Variants in MTUS2 observed in about 807,000 individuals in gnomAD.
MTUS2 encodes the protein microtubule associated scaffold protein 2, also known as microtubule-associated tumor suppressor candidate 2.
MTUS2 carries 40 observed loss-of-function variants against 114.1 expected under a neutral mutation model. The observed-to-expected ratio is 0.35, with a 90% CI of 0.27 to 0.46. The LOEUF (loss-of-function observed/expected upper bound fraction) is 0.46, where lower values mean the gene tolerates loss of function less well. MTUS2 is among the 20% of genes least tolerant of loss of function. MTUS2 has a pLI of 1.00. For synonymous variants in MTUS2, 688 were observed against 672.0 expected (o/e 1.02, Z -0.37); for missense variants, 1,679 against 1,705.4 (o/e 0.98, Z 0.27).
intron 6 of MTUS2, among the ~76,000 whole-genome samples, chr13:29,306,074 A>G (rs949504484): frequency 5.3e-5 from 8 of 152,252 alleles, no homozygotes; most frequent in African/African-American, 1.9e-4. Context: ...AAGGCCTTTA[A>G]TAAAATTCAA....
intron 12 of MTUS2, among the ~76,000 whole-genome samples, chr13:29,494,426 G>C (rs1247330785): frequency 6.6e-6 from 1 of 152,134 alleles, no homozygotes; most frequent in African/African-American, 2.4e-5. Flanking sequence ...AGAAACATCA[G>C]TTTGGTATTT....
intron 4 of MTUS2, among the ~76,000 whole-genome samples, chr13:29,061,909 G>T (rs1888437920): frequency 1.1e-4 from 1 of 8,792 alleles, no homozygotes; most frequent in African/African-American, 2.5e-4. Context: ...TGTTGTAGCT[G>T]AAAGAAACTA....
intron 2 of MTUS2, among the ~76,000 whole-genome samples, chr13:28,900,190 A>C (rs894217146): frequency 1.3e-5 from 2 of 152,226 alleles, no homozygotes. Context: ...GTGCAGCCCC[A>C]GTTAAACTCT....
In MTUS2 at chr13:29,368,028, T is replaced by C. The variant is rs181704061; in HGVS notation, c.3117+8555T>C. 1.1e-4 allele frequency among the ~76,000 whole-genome samples: 16 copies of C among 149,980 alleles called. No individual in the cohort carries two copies. In the East Asian group the frequency reaches 3.0e-3, roughly 28 times the overall value. ...ATCTCGGCTCTCTGCAAGCTCCACC[T>C]TCCGGGTTCACACCATTCTCCTGCC... On this transcript the variant is annotated intron_variant, in intron 8 of 15. Transcript: ENST00000612955.
intron 2 of MTUS2, among the ~76,000 whole-genome samples, chr13:28,898,205 G>C (rs1392337956): frequency 6.6e-6 from 1 of 152,124 alleles, no homozygotes; most frequent in Non-Finnish European, 1.5e-5. Context: ...TGTAGTCCAT[G>C]ACAGAAGAGC....
chr13:29,047,369 G>A (rs1295759305), intron 4 of MTUS2, among the ~76,000 whole-genome samples: 2 of 152,062 alleles, frequency 1.3e-5, no homozygotes, highest in African/African-American at 2.4e-5. Flanking sequence ...TTAAAGATAG[G>A]ACATTCTGAT....
At chr13:29,247,082 A>G (rs540267405) in intron 5 of MTUS2, among the ~76,000 whole-genome samples, 8 of 152,318 alleles carry the variant, frequency 5.3e-5, no homozygotes, top group African/African-American at 1.7e-4. Context: ...GATCAATTGG[A>G]CAGAATAGAA....
intron 5 of MTUS2, among the ~76,000 whole-genome samples, chr13:29,277,738 A>T (rs578122536): frequency 6.6e-6 from 1 of 152,266 alleles, no homozygotes; most frequent in African/African-American, 2.4e-5. Context: ...GGCAGGAGTG[A>T]TACACGCCAC....
chr13:29,194,525 C>T (rs1894591389), intron 5 of MTUS2, among the ~76,000 whole-genome samples: 3 of 152,168 alleles, frequency 2.0e-5, no homozygotes, highest in Non-Finnish European at 4.4e-5. Context: ...CAGAGAAATG[C>T]AAATCGAAAC....
chr13:29,075,235 A>T (rs1056299791), intron 4 of MTUS2, among the ~76,000 whole-genome samples: 3 of 152,196 alleles, frequency 2.0e-5, no homozygotes, highest in African/African-American at 4.8e-5. Context: ...TTTGTAAAAG[A>T]GACACAACGG....
chr13:29,359,129 C>T, intron 7 of MTUS2, 133 bp from the exon 8 acceptor site: 1 of 861,530 alleles, frequency 1.2e-6, no homozygotes. Context: ...TCTTTTCAAT[C>T]CTTAAAAATG....
chr13:29,235,477 AAT>A (rs1422643191), intron 5 of MTUS2, among the ~76,000 whole-genome samples: 1 of 152,212 alleles, frequency 6.6e-6, no homozygotes, highest in African/African-American at 2.4e-5. Flanking sequence ...AATATTCAAA[AAT>A]AGTGATGTTA....
At chr13:28,941,435 T>C (rs1566239517) in intron 2 of MTUS2, among the ~76,000 whole-genome samples, 1 of 152,122 alleles carries the variant, frequency 6.6e-6, no homozygotes, top group African/African-American at 2.4e-5. Context: ...AATCAAGACA[T>C]GCTTATGTTA....
rs1593359616 is a variant in MTUS2, at chr13:28,989,045, T to C, written c.-242-35412T>C. Among the ~76,000 whole-genome samples, 4 of 152,232 alleles carry C rather than the reference T, an allele frequency of 2.6e-5. No homozygotes were observed. In the South Asian group the frequency reaches 8.3e-4, roughly 32 times the overall value. On this transcript the variant is annotated intron_variant, in intron 2 of 15. Coordinates refer to ENST00000612955, the MANE Select transcript of MTUS2 (RefSeq NM_001033602.4). ...CAATTGGTTTTGGACTAGCTTCTAA[T>C]CAAGAGATGCAAATGCTTTCTTGTC...
At chr13:29,474,073 G>C (rs1216668879) in intron 9 of MTUS2, among the ~76,000 whole-genome samples, 1 of 152,136 alleles carries the variant, frequency 6.6e-6, no homozygotes, top group Non-Finnish European at 1.5e-5. Context: ...TACAGGCCTA[G>C]GGCTTACAAC....
intron 2 of MTUS2, among the ~76,000 whole-genome samples, chr13:28,843,794 A>G (rs1274419603): frequency 6.6e-6 from 1 of 152,214 alleles, no homozygotes; most frequent in Admixed American, 6.5e-5. Context: ...TCATCAGGGC[A>G]CACACGGGGG....
chr13:29,281,963 A>T, intron 6 of MTUS2, 98 bp downstream of exon 6: 1 of 1,300,116 alleles, frequency 7.7e-7, no homozygotes. Context: ...GTTATTTAGA[A>T]GGGATGATTG....
At chr13:29,388,659 C>A (rs1407363458) in intron 8 of MTUS2, among the ~76,000 whole-genome samples, 2 of 151,108 alleles carry the variant, frequency 1.3e-5, no homozygotes, top group Non-Finnish European at 2.9e-5. Flanking sequence ...AATTAAGTCA[C>A]CTTTTAAAAA....
chr13:29,040,062 C>T (rs187306416), intron 4 of MTUS2, among the ~76,000 whole-genome samples: 4 of 152,240 alleles, frequency 2.6e-5, no homozygotes, highest in South Asian at 4.2e-4. Flanking sequence ...TCTTGGTGCA[C>T]CCATTATTCA....
Sources: gnomAD v4.1 joint callset for allele counts (sites outside exome capture counted in the v4.1 genomes callset) on GRCh38, gnomAD v4.1.1 for gene constraint, MANE v1.5 for transcripts, NCBI Gene and HGNC (gene_info 2026-07-23, HGNC 2026-07-21) for gene names.